The following NEGR1 variants were observed in gnomAD, a reference collection of about 807,000 sequenced individuals.
The protein encoded by NEGR1 is IgLON family member 4.
Under a neutral mutation model 40.9 loss-of-function variants are expected in NEGR1, and 10 were observed. That is an observed-to-expected ratio of 0.24 (90% CI 0.15 to 0.42). The LOEUF is 0.42. Ranked by LOEUF, NEGR1 falls within the 10% of genes least tolerant of loss-of-function variation. NEGR1 has a pLI of 1.00. For missense variants in NEGR1, 352 were observed against 438.9 expected (o/e 0.80, Z 1.77); for synonymous variants, 185 against 166.8 (o/e 1.11, Z -0.84).
intron 6 of NEGR1, among the ~76,000 whole-genome samples, chr1:71,533,515 C>T (rs916503115): frequency 2.6e-5 from 4 of 151,628 alleles, no homozygotes; most frequent in African/African-American, 7.3e-5. Flanking sequence ...CCCTATACAT[C>T]TCACACATAT....
chr1:71,962,237 A>T (rs1005535419), intron 1 of NEGR1, among the ~76,000 whole-genome samples: 5 of 152,098 alleles, frequency 3.3e-5, no homozygotes, highest in African/African-American at 1.2e-4. Flanking sequence ...CGCAGGCATC[A>T]TTTAAAAGGT....
intron 2 of NEGR1, among the ~76,000 whole-genome samples, chr1:71,820,085 T>G (rs796195476): frequency 1.3e-5 from 2 of 152,152 alleles, no homozygotes; most frequent in African/African-American, 4.8e-5. Context: ...GGGGTTGTAC[T>G]TTTATTTTTT....
At chr1:71,873,665 C>T (rs182359274) in intron 2 of NEGR1, among the ~76,000 whole-genome samples, 52 of 152,232 alleles carry the variant, frequency 3.4e-4, no homozygotes, top group Admixed American at 3.3e-3. Flanking sequence ...GTTTTCCTCT[C>T]GATTTACTCA....
At chr1:71,439,546 A>G (rs1646533122) in intron 6 of NEGR1, among the ~76,000 whole-genome samples, 2 of 152,080 alleles carry the variant, frequency 1.3e-5, no homozygotes, top group Admixed American at 6.6e-5. Flanking sequence ...TATTTTCTGT[A>G]GAGACAGAGT....
chr1:71,994,490 C>T (rs1228627707), intron 1 of NEGR1, among the ~76,000 whole-genome samples: 6 of 150,138 alleles, frequency 4.0e-5, no homozygotes, highest in Admixed American at 1.3e-4. Flanking sequence ...ATGGCACTAC[C>T]GCACTCCAGC....
chr1:71,571,719 A>G (rs1235978421), intron 6 of NEGR1, among the ~76,000 whole-genome samples: 1 of 150,320 alleles, frequency 6.7e-6, no homozygotes, highest in South Asian at 2.1e-4. Context: ...CTTAAGCCCA[A>G]GAGGTCAAGG....
chr1:72,199,033 C>T (rs981877584), intron 1 of NEGR1, among the ~76,000 whole-genome samples: 5 of 151,780 alleles, frequency 3.3e-5, no homozygotes, highest in African/African-American at 1.2e-4. Flanking sequence ...TTAACTAAGC[C>T]TCAGAATTTA....
intron 6 of NEGR1, among the ~76,000 whole-genome samples, chr1:71,500,588 A>G (rs1423457793): frequency 6.6e-6 from 1 of 152,090 alleles, no homozygotes; most frequent in South Asian, 2.1e-4. Context: ...TTGTACTGAT[A>G]ATAGTACAGT....
chr1:72,049,740 AT>A (rs970296706), intron 1 of NEGR1, among the ~76,000 whole-genome samples: 1 of 151,520 alleles, frequency 6.6e-6, no homozygotes, highest in Non-Finnish European at 1.5e-5. Flanking sequence ...AATAAGCACC[AT>A]TTTTTACTCA....
chr1:71,997,434 T>G (rs984833285), intron 1 of NEGR1, among the ~76,000 whole-genome samples: 5 of 152,048 alleles, frequency 3.3e-5, no homozygotes, highest in Non-Finnish European at 5.9e-5. Context: ...AGTACAAATG[T>G]TATTTTTCAC....
intron 4 of NEGR1, among the ~76,000 whole-genome samples, chr1:71,680,111 A>C (rs1194179254): frequency 6.6e-6 from 1 of 151,968 alleles, no homozygotes; most frequent in Non-Finnish European, 1.5e-5. Context: ...TTTAGTTATC[A>C]AATTATTAGA....
chr1:71,927,756 G>T (rs1645788546), intron 2 of NEGR1, among the ~76,000 whole-genome samples: 1 of 145,682 alleles, frequency 6.9e-6, no homozygotes, highest in Admixed American at 6.9e-5. Context: ...GGCCGAGGTG[G>T]GTAGATCGCC....
At chr1:72,145,232 T>G (rs531966780) in intron 1 of NEGR1, among the ~76,000 whole-genome samples, 16 of 152,266 alleles carry the variant, frequency 1.1e-4, no homozygotes, top group African/African-American at 3.4e-4. Flanking sequence ...ATTATCTGAA[T>G]AGTAAGTAGA....
chr1:72,059,821 C>T (rs535215563), intron 1 of NEGR1, among the ~76,000 whole-genome samples: 1 of 151,604 alleles, frequency 6.6e-6, no homozygotes, highest in East Asian at 1.9e-4. Context: ...ATACATTATG[C>T]ATGTTAAATC....
At chr1:72,071,959 A>G (rs1314619236) in intron 1 of NEGR1, among the ~76,000 whole-genome samples, 1 of 152,134 alleles carries the variant, frequency 6.6e-6, no homozygotes, top group East Asian at 1.9e-4. Flanking sequence ...GATTTTAGAA[A>G]AAGTCCAAAC....
intron 1 of NEGR1, among the ~76,000 whole-genome samples, chr1:72,049,465 T>C (rs1342243735): frequency 6.6e-6 from 1 of 151,678 alleles, no homozygotes; most frequent in African/African-American, 2.4e-5. Flanking sequence ...CCACAAGTGG[T>C]AGCATGGCTT....
chr1:71,932,303 T>C (rs986005033), intron 2 of NEGR1, among the ~76,000 whole-genome samples: 1 of 152,126 alleles, frequency 6.6e-6, no homozygotes, highest in African/African-American at 2.4e-5. Flanking sequence ...GTTTTGTTTT[T>C]TTTTGTTGTT....
chr1:72,008,541 A>G (rs1421764789), intron 1 of NEGR1, among the ~76,000 whole-genome samples: 1 of 152,132 alleles, frequency 6.6e-6, no homozygotes, highest in Non-Finnish European at 1.5e-5. Context: ...TAAGAATTAA[A>G]TGAGATAGTC....
chr1:71,781,197 C>A (rs556335267), intron 2 of NEGR1, among the ~76,000 whole-genome samples: 1 of 152,050 alleles, frequency 6.6e-6, no homozygotes, highest in African/African-American at 2.4e-5. Context: ...GCCAGCATCA[C>A]GGTGACTAAT....
Sources: allele counts gnomAD v4.1 joint callset (sites outside exome capture counted in the v4.1 genomes callset), GRCh38; gene constraint gnomAD v4.1.1; transcripts MANE v1.5; gene names NCBI Gene and HGNC (gene_info 2026-07-23, HGNC 2026-07-21).